LRBA: variants seen among roughly 807,000 people sequenced by gnomAD.
The protein encoded by LRBA is LPS responsive beige-like anchor protein.
A neutral mutation model predicts 330.0 loss-of-function variants in LRBA; 176 were observed. That is an observed-to-expected ratio of 0.53 (90% CI 0.47 to 0.60). The LOEUF is 0.60. Among genes scored for constraint, LRBA ranks in the 20% least tolerant of loss-of-function variants. The probability of loss-of-function intolerance (pLI) is 0.00; values close to 1 mark genes in which losing one functional copy is unlikely to be tolerated. For missense variants in LRBA, 3,259 were observed against 3,444.8 expected (o/e 0.95, Z 1.35); for synonymous variants, 1,230 against 1,193.0 (o/e 1.03, Z -0.64).
rs796436259 is a variant in LRBA at position 150,448,822 on chromosome 4, A to G, written c.6781-11958T>C. Among the ~76,000 whole-genome samples, 281 of 38,648 alleles carry G rather than the reference A, an allele frequency of 7.3e-3. 2 individuals carry two copies. Among genetic ancestry groups the G allele is most frequent in the African/African-American group, 0.026 (235 of 8,950 alleles). The allele number at this position is 38,648 out of a possible 152,430, so 25.4% of individuals were successfully genotyped here. ...TGTTTCAAAAAAAAAAAAAAAAAAA[A>G]GGGGGGGGGGGTGGGCAGGAAAGAA... On this transcript the variant is annotated intron_variant, in intron 44 of 56. Coordinates refer to ENST00000651943, the MANE Select transcript of LRBA (RefSeq NM_001364905.1).
At chr4:150,953,752 T>C (rs2149549362) in intron 2 of LRBA, among the ~76,000 whole-genome samples, 1 of 151,950 alleles carries the variant, frequency 6.6e-6, no homozygotes, top group African/African-American at 2.4e-5. Context: ...CCTCCCAAAG[T>C]GCCAAGATTG....
At chr4:150,972,989 T>C in intron 2 of LRBA, among the ~76,000 whole-genome samples, 1 of 152,190 alleles carries the variant, frequency 6.6e-6, no homozygotes. Flanking sequence ...AAAAAAACTA[T>C]CAATAATTAG....
At chr4:150,876,829 T>C (rs1414060729) in intron 17 of LRBA, among the ~76,000 whole-genome samples, 1 of 152,070 alleles carries the variant, frequency 6.6e-6, no homozygotes, top group African/African-American at 2.4e-5. Context: ...AGCTAACAAC[T>C]TCATGATAGG....
intron 40 of LRBA, among the ~76,000 whole-genome samples, chr4:150,494,179 A>C (rs530068299): frequency 6.6e-6 from 1 of 152,320 alleles, no homozygotes; most frequent in South Asian, 2.1e-4. Context: ...GCCTATACCC[A>C]GGTTTTCTAA....
rs1748467745 is a variant in LRBA at position 150,420,293 on chromosome 4, A to ACACATTATAGAATAAAGTATATATAATG, written c.7042-4704_7042-4703insCATTATATATACTTTATTCTATAATGTG. 3.5e-5 allele frequency among the ~76,000 whole-genome samples: 4 copies of ACACATTATAGAATAAAGTATATATAATG among 113,014 alleles called. No individual in the cohort carries two copies. The South Asian group carries it at 1.1e-3, about 32-fold the overall frequency. 74.1% of individuals were successfully genotyped at this position (113,014 alleles called of 152,430 possible). On this transcript the variant is annotated intron_variant, in intron 46 of 56. Coordinates refer to ENST00000651943, the MANE Select transcript of LRBA (RefSeq NM_001364905.1). ...TATATATATAAAGTATATATATAAT[A>ACACATTATAGAATAAAGTATATATAATG]CACATTATAGTATAAAGTATATATA... is the stretch of plus-strand genomic sequence containing the variant.
chr4:150,815,725 C>T (rs953408162), intron 31 of LRBA, among the ~76,000 whole-genome samples: 7 of 151,722 alleles, frequency 4.6e-5, no homozygotes, highest in African/African-American at 7.3e-5. Flanking sequence ...AAGTAAATTT[C>T]GAAAATCAAA....
At chr4:150,446,177 A>G (rs1159088139) in intron 44 of LRBA, among the ~76,000 whole-genome samples, 2 of 152,182 alleles carry the variant, frequency 1.3e-5, no homozygotes, top group Non-Finnish European at 2.9e-5. Context: ...GGGTAAGGGG[A>G]AAATCGATGA....
intron 36 of LRBA, among the ~76,000 whole-genome samples, chr4:150,723,199 T>C (rs113237946): frequency 3.9e-4 from 60 of 152,276 alleles, no homozygotes; most frequent in African/African-American, 1.4e-3. Context: ...GGGTGGCACA[T>C]GACCTAGAGA....
intron 17 of LRBA, among the ~76,000 whole-genome samples, chr4:150,884,346 A>G (rs1728721841): frequency 6.6e-6 from 1 of 152,126 alleles, no homozygotes; most frequent in Non-Finnish European, 1.5e-5. Flanking sequence ...AAAGATTGAG[A>G]TAAGTACTCC....
intron 30 of LRBA, among the ~76,000 whole-genome samples, chr4:150,824,886 C>T (rs756031698): frequency 1.3e-5 from 2 of 151,916 alleles, no homozygotes; most frequent in Non-Finnish European, 2.9e-5. Context: ...GTGATCCTCC[C>T]GCCTCAGCCT....
At chr4:150,968,298 C>G (rs1224236691) in intron 2 of LRBA, among the ~76,000 whole-genome samples, 1 of 152,106 alleles carries the variant, frequency 6.6e-6, no homozygotes, top group Non-Finnish European at 1.5e-5. Flanking sequence ...CCACTGTGCC[C>G]GGCCGCACAT....
chr4:150,985,131 C>T (rs920483582), intron 2 of LRBA, among the ~76,000 whole-genome samples: 4 of 151,794 alleles, frequency 2.6e-5, no homozygotes, highest in East Asian at 1.9e-4. Context: ...TGGTGACAGG[C>T]GCCTGTAATC....
intron 5 of LRBA, among the ~76,000 whole-genome samples, chr4:150,918,109 T>C (rs148823936): frequency 5.3e-5 from 8 of 152,174 alleles, no homozygotes; most frequent in East Asian, 1.9e-4. Context: ...GAAAAAAATA[T>C]ATACATTGGA....
At chr4:150,458,247 T>G (rs922483110) in intron 44 of LRBA, among the ~76,000 whole-genome samples, 1 of 151,926 alleles carries the variant, frequency 6.6e-6, no homozygotes, top group Non-Finnish European at 1.5e-5. Context: ...TAATTCTGTT[T>G]TAAAAGCAAA....
Position 150,435,711 on chromosome 4 carries a change from A to G in LRBA, c.6922-3T>C. 1 of 1,590,872 alleles carries G rather than the reference A, an allele frequency of 6.3e-7. No homozygotes were observed. The highest frequency in any genetic ancestry group is 8.5e-7 in the Non-Finnish European group (1 of 1,172,758). ...AGGAAATAAGTTGTAAAGGGTTCCT[A>G]AAAAATAGCAATTAAAAAAATCCAT... On this transcript the variant is annotated splice_region_variant and splice_polypyrimidine_tract_variant and intron_variant, in intron 45 of 56. Coordinates refer to ENST00000651943, the MANE Select transcript of LRBA (RefSeq NM_001364905.1).
intron 2 of LRBA, among the ~76,000 whole-genome samples, chr4:150,932,801 A>G (rs977326912): frequency 6.6e-6 from 1 of 152,052 alleles, no homozygotes; most frequent in African/African-American, 2.4e-5. Flanking sequence ...CTTTAGCCCC[A>G]TCTACTTGGG....
chr4:150,479,270 C>A (rs1757044525), intron 42 of LRBA, among the ~76,000 whole-genome samples: 1 of 151,936 alleles, frequency 6.6e-6, no homozygotes, highest in Admixed American at 6.6e-5. Context: ...CATAGCAAGA[C>A]CCTGCCTTTA....
chr4:150,280,805 C>A (rs190191238), intron 55 of LRBA, among the ~76,000 whole-genome samples: 1 of 152,294 alleles, frequency 6.6e-6, no homozygotes, highest in East Asian at 1.9e-4. Context: ...CCTCGCCTCC[C>A]GAGGTAGTGA....
chr4:150,550,136 A>C (rs1352067766), intron 40 of LRBA, among the ~76,000 whole-genome samples: 1 of 152,222 alleles, frequency 6.6e-6, no homozygotes, highest in African/African-American at 2.4e-5. Flanking sequence ...TAGGGCATTA[A>C]AAATATGTGT....
Sources: gnomAD v4.1 joint callset for allele counts (sites outside exome capture counted in the v4.1 genomes callset) on GRCh38, gnomAD v4.1.1 for gene constraint, MANE v1.5 for transcripts, NCBI Gene and HGNC (gene_info 2026-07-23, HGNC 2026-07-21) for gene names.